Variants in DOCK1 observed in about 807,000 individuals in gnomAD.
DOCK1 encodes dedicator of cytokinesis 1.
In DOCK1, 138 loss-of-function variants were observed where a neutral mutation model predicts 262.7. That is an observed-to-expected ratio of 0.53 (90% confidence interval 0.46 to 0.61). The LOEUF is 0.61. Ranked by LOEUF, DOCK1 falls within the 20% of genes least tolerant of loss-of-function variation. DOCK1 has a pLI of 0.00. For synonymous variants in DOCK1, 866 were observed against 867.4 expected (o/e 1.00, Z 0.03); for missense variants, 1,908 against 2,370.7 (o/e 0.80, Z 4.05).
In DOCK1 at chr10:127,381,304, A is replaced by G; in HGVS notation, c.3743A>G (p.His1248Arg). The stretch of plus-strand genomic sequence containing the variant: ...TATTTGTACAAGCTCTGTGACCTGC[A>G]CAAGGAGTGTGATAACTACACCGAA... ...IRYLYKLCDL[H>R]KECDNYTEAA... The change falls in exon 37 of 52, where the codon CAC becomes CGC. Residue 1248 changes from histidine (H) to arginine (R), a missense_variant. His to Arg is a conservative substitution (Grantham distance 29). This residue lies in a region of DOCK1 where 267 missense variants were observed against 366.3 expected (regional missense o/e 0.73). Coordinates refer to ENST00000623213, the MANE Select transcript of DOCK1 (RefSeq NM_001290223.2). 2 of 1,612,914 alleles carry G rather than the reference A, an allele frequency of 1.2e-6. No homozygotes were observed. Among genetic ancestry groups the G allele is most frequent in the South Asian group, 2.2e-5 (2 of 90,870 alleles).
intron 27 of DOCK1, among the ~76,000 whole-genome samples, chr10:127,200,531 G>T (rs2057405134): frequency 6.6e-6 from 1 of 152,012 alleles, no homozygotes; most frequent in Non-Finnish European, 1.5e-5. Context: ...CAATTCTCGT[G>T]CCTCAGCCTC....
At chr10:127,020,417 G>A (rs967848330) in intron 13 of DOCK1, among the ~76,000 whole-genome samples, 36 of 152,032 alleles carry the variant, frequency 2.4e-4, no homozygotes, top group African/African-American at 8.5e-4. Flanking sequence ...TAGGCCCGGC[G>A]TGGTGGTGAG....
chr10:127,073,543 G>A (rs2046350237), intron 23 of DOCK1, among the ~76,000 whole-genome samples: 1 of 152,192 alleles, frequency 6.6e-6, no homozygotes, highest in Admixed American at 6.5e-5. Flanking sequence ...CCTCCTCTTG[G>A]CTTAGTATTT....
chr10:127,025,716 C>T (rs2042791618), intron 15 of DOCK1, among the ~76,000 whole-genome samples: 1 of 152,012 alleles, frequency 6.6e-6, no homozygotes, highest in Non-Finnish European at 1.5e-5. Flanking sequence ...TCCCAGACTG[C>T]TGGGATTACA....
intron 42 of DOCK1, among the ~76,000 whole-genome samples, chr10:127,410,120 GGTGGTTTCTTTAAC>G (rs754315048): frequency 1.3e-4 from 20 of 152,146 alleles, no homozygotes; most frequent in Admixed American, 8.5e-4. Flanking sequence ...CCTGAAGTTT[GGTGGTTTCTTTAAC>G]CTTTCATCGT....
intron 29 of DOCK1, among the ~76,000 whole-genome samples, chr10:127,326,859 G>T (rs1175729493): frequency 6.6e-6 from 1 of 152,232 alleles, no homozygotes; most frequent in African/African-American, 2.4e-5. Flanking sequence ...TGGATGTTGT[G>T]TTAGCAGGCA....
intron 27 of DOCK1, among the ~76,000 whole-genome samples, chr10:127,183,637 CAGTTCATGGCCTA>C (rs1197795193): frequency 1.3e-5 from 2 of 152,126 alleles, no homozygotes; most frequent in African/African-American, 4.8e-5. Flanking sequence ...ATACAGTTTG[CAGTTCATGGCCTA>C]GTCTGAAAAG....
intron 1 of DOCK1, among the ~76,000 whole-genome samples, chr10:126,932,583 G>T (rs1174452399): frequency 1.3e-5 from 2 of 152,146 alleles, no homozygotes; most frequent in Non-Finnish European, 2.9e-5. Context: ...TGGAGCAGCG[G>T]GTGGGACCTG....
chr10:126,991,134 C>T (rs1397509839), intron 6 of DOCK1, among the ~76,000 whole-genome samples: 1 of 152,204 alleles, frequency 6.6e-6, no homozygotes, highest in Non-Finnish European at 1.5e-5. Flanking sequence ...GCAGTTATGT[C>T]TCTTGCCAGA....
At chr10:127,045,200 TAAAAAAAAA>T (rs71032534) in intron 21 of DOCK1, among the ~76,000 whole-genome samples, 9,701 of 82,324 alleles carry the variant, frequency 0.12, 396 homozygotes, top group East Asian at 0.24. Context: ...TCTGTCTCAA[TAAAAAAAAA>T]AAAAAAAAAA....
At chr10:127,280,028 ATATATAATT>A (rs1205218570) in intron 29 of DOCK1, among the ~76,000 whole-genome samples, 2 of 141,642 alleles carry the variant, frequency 1.4e-5, no homozygotes, top group African/African-American at 5.2e-5. Context: ...ATATATATAT[ATATATAATT>A]TTTTTTTTTT....
chr10:127,212,822 A>T (rs1191276825), intron 27 of DOCK1, among the ~76,000 whole-genome samples: 1 of 152,064 alleles, frequency 6.6e-6, no homozygotes, highest in African/African-American at 2.4e-5. Context: ...AAAAAAAAAA[A>T]AAAAGGATGG....
At chr10:127,323,168 G>A (rs532927762) in intron 29 of DOCK1, among the ~76,000 whole-genome samples, 1 of 152,060 alleles carries the variant, frequency 6.6e-6, no homozygotes, top group Non-Finnish European at 1.5e-5. Context: ...CTCTCTGCTG[G>A]GTGAGGACCT....
At chr10:127,438,071 G>A (rs942384508) in intron 48 of DOCK1, among the ~76,000 whole-genome samples, 2 of 152,152 alleles carry the variant, frequency 1.3e-5, no homozygotes, top group Non-Finnish European at 1.5e-5. Context: ...TTTTTCAGGC[G>A]GGCCCATGCC....
intron 1 of DOCK1, among the ~76,000 whole-genome samples, chr10:126,956,538 G>A (rs1390475881): frequency 6.6e-6 from 1 of 152,172 alleles, no homozygotes; most frequent in Admixed American, 6.5e-5. Context: ...GCAGATCCTT[G>A]CTCCCCGCCC....
chr10:127,243,495 A>C (rs575080538), intron 27 of DOCK1, among the ~76,000 whole-genome samples: 1 of 151,986 alleles, frequency 6.6e-6, no homozygotes, highest in Non-Finnish European at 1.5e-5. Context: ...ACCCAGCCTC[A>C]GTTCTACTTG....
chr10:127,246,007 G>C (rs1287427323), intron 27 of DOCK1, among the ~76,000 whole-genome samples: 1 of 152,124 alleles, frequency 6.6e-6, no homozygotes, highest in Non-Finnish European at 1.5e-5. Context: ...GGAAGAGTCC[G>C]GGTCAGCGAC....
At chr10:127,197,397 T>C (rs1047169055) in intron 27 of DOCK1, among the ~76,000 whole-genome samples, 2 of 150,396 alleles carry the variant, frequency 1.3e-5, no homozygotes, top group Admixed American at 1.3e-4. Flanking sequence ...CACCAAAGAG[T>C]ATTGGGTGTT....
At chr10:127,132,413 C>T (rs1286404384) in intron 27 of DOCK1, among the ~76,000 whole-genome samples, 1 of 152,244 alleles carries the variant, frequency 6.6e-6, no homozygotes, top group Non-Finnish European at 1.5e-5. Flanking sequence ...ATAACCTTGC[C>T]ACAGAACAAA....
Sources: allele counts gnomAD v4.1 joint callset (sites outside exome capture counted in the v4.1 genomes callset), GRCh38; gene constraint gnomAD v4.1.1; regional missense constraint gnomAD v4.1.1; transcripts MANE v1.5; gene names NCBI Gene and HGNC (gene_info 2026-07-23, HGNC 2026-07-21).